The following CCSER1 variants were observed in gnomAD, a reference collection of about 807,000 sequenced individuals.
The protein encoded by CCSER1 is serine-rich coiled-coil domain-containing protein 1.
CCSER1 carries 41 observed loss-of-function variants against 82.0 expected under a neutral mutation model. The observed-to-expected ratio is 0.50, with a 90% CI of 0.39 to 0.65. The LOEUF is 0.65. Ranked by LOEUF, CCSER1 falls within the 30% of genes least tolerant of loss-of-function variation. CCSER1 has a pLI of 0.00. For missense variants in CCSER1, 1,119 were observed against 1,064.2 expected (o/e 1.05, Z -0.72); for synonymous variants, 414 against 383.9 (o/e 1.08, Z -0.92).
At chr4:90,759,435 G>C (rs182097118) in intron 7 of CCSER1, among the ~76,000 whole-genome samples, 1 of 152,306 alleles carries the variant, frequency 6.6e-6, no homozygotes, top group East Asian at 1.9e-4. Context: ...TTAAGAAGGA[G>C]ATGAAATAGT....
At chr4:91,382,042 G>C (rs1387140690) in intron 10 of CCSER1, among the ~76,000 whole-genome samples, 2 of 152,156 alleles carry the variant, frequency 1.3e-5, no homozygotes, top group Non-Finnish European at 2.9e-5. Flanking sequence ...GTTTGCCTGG[G>C]TGTCAGCAGT....
chr4:90,147,289 T>TG (rs1253756434), intron 1 of CCSER1, among the ~76,000 whole-genome samples: 1 of 152,094 alleles, frequency 6.6e-6, no homozygotes, highest in Non-Finnish European at 1.5e-5. Flanking sequence ...TCCCCATTGT[T>TG]GTTTATAAAA....
chr4:91,455,449 A>AT (rs1756108776), intron 10 of CCSER1, among the ~76,000 whole-genome samples: 1 of 152,078 alleles, frequency 6.6e-6, no homozygotes, highest in South Asian at 2.1e-4. Flanking sequence ...TATAAAAGAG[A>AT]TTGAATGGAG....
intron 3 of CCSER1, among the ~76,000 whole-genome samples, chr4:90,344,372 T>C (rs1011227319): frequency 2.0e-5 from 3 of 152,236 alleles, no homozygotes; most frequent in Non-Finnish European, 2.9e-5. Flanking sequence ...TGCTGTGTTC[T>C]GCACGTGTTC....
intron 10 of CCSER1, among the ~76,000 whole-genome samples, chr4:91,317,699 C>A (rs2149260993): frequency 6.6e-6 from 1 of 151,896 alleles, no homozygotes; most frequent in African/African-American, 2.4e-5. Flanking sequence ...TGGAAAGAAA[C>A]TTAGGAGAGA....
At chr4:91,002,918 G>C (rs184214304) in intron 9 of CCSER1, among the ~76,000 whole-genome samples, 1 of 152,298 alleles carries the variant, frequency 6.6e-6, no homozygotes, top group East Asian at 1.9e-4. Flanking sequence ...CTGCTGTTCA[G>C]ATTCTTTTGT....
At chr4:91,288,812 G>A (rs17211183) in intron 10 of CCSER1, among the ~76,000 whole-genome samples, 3,754 of 152,128 alleles carry the variant, frequency 0.025, 64 homozygotes, top group Non-Finnish European at 0.037. Context: ...AAAAATACAT[G>A]ATGGGCCTAG....
At chr4:90,403,548 T>A (rs1010830690) in intron 4 of CCSER1, among the ~76,000 whole-genome samples, 1 of 150,358 alleles carries the variant, frequency 6.7e-6, no homozygotes, top group South Asian at 2.1e-4. Flanking sequence ...TATAAGAAGC[T>A]TATGATTGAT....
At chr4:91,505,968 G>T (rs887644252) in intron 10 of CCSER1, among the ~76,000 whole-genome samples, 4 of 152,056 alleles carry the variant, frequency 2.6e-5, no homozygotes, top group Non-Finnish European at 5.9e-5. Context: ...TTTTGCTTTT[G>T]TTGCAATTGC....
chr4:90,227,946 A>G (rs1743543260), intron 1 of CCSER1, among the ~76,000 whole-genome samples: 2 of 152,198 alleles, frequency 1.3e-5, no homozygotes, highest in African/African-American at 2.4e-5. Context: ...AGGAGATTAT[A>G]TCCCGCACCT....
At chr4:91,357,993 C>T (rs547318587) in intron 10 of CCSER1, among the ~76,000 whole-genome samples, 1 of 147,660 alleles carries the variant, frequency 6.8e-6, no homozygotes, top group East Asian at 2.1e-4. Context: ...ATACATGTTA[C>T]ACTGTTAACT....
At chr4:90,192,088 C>G (rs754268454) in intron 1 of CCSER1, among the ~76,000 whole-genome samples, 1 of 151,944 alleles carries the variant, frequency 6.6e-6, no homozygotes, top group Non-Finnish European at 1.5e-5. Context: ...GGGCAATTTT[C>G]AAAGGAAAGA....
At chr4:91,392,232 A>G (rs547590333) in intron 10 of CCSER1, among the ~76,000 whole-genome samples, 32 of 152,222 alleles carry the variant, frequency 2.1e-4, no homozygotes, top group African/African-American at 7.5e-4. Flanking sequence ...AACTGAAAAT[A>G]GCAGGATATT....
At chr4:90,555,203 G>A (rs368162291) in intron 5 of CCSER1, among the ~76,000 whole-genome samples, 3 of 151,828 alleles carry the variant, frequency 2.0e-5, no homozygotes, top group Admixed American at 6.6e-5. Context: ...CATTTACATA[G>A]GAACGTTTCT....
intron 1 of CCSER1, among the ~76,000 whole-genome samples, chr4:90,175,702 T>C (rs1732533616): frequency 6.6e-6 from 1 of 152,036 alleles, no homozygotes; most frequent in African/African-American, 2.4e-5. Flanking sequence ...CCTGTATATG[T>C]AAAATCTTAT....
At chr4:91,218,141 G>C (rs986569251) in intron 10 of CCSER1, among the ~76,000 whole-genome samples, 1 of 152,380 alleles carries the variant, frequency 6.6e-6, no homozygotes, top group South Asian at 2.1e-4. Flanking sequence ...GGCCCAGCGA[G>C]AAATCGAGCA....
intron 10 of CCSER1, among the ~76,000 whole-genome samples, chr4:91,336,279 A>C (rs1747321545): frequency 6.6e-6 from 1 of 152,078 alleles, no homozygotes; most frequent in Non-Finnish European, 1.5e-5. Flanking sequence ...TTTGATTCAG[A>C]GTATATTTGA....
At chr4:90,646,454 A>T (rs1026783731) in intron 6 of CCSER1, among the ~76,000 whole-genome samples, 1 of 152,062 alleles carries the variant, frequency 6.6e-6, no homozygotes, top group African/African-American at 2.4e-5. Flanking sequence ...GACCTAAAAA[A>T]CAAACACCTT....
chr4:90,692,618 C>T (rs921765254), intron 6 of CCSER1, among the ~76,000 whole-genome samples: 11 of 151,842 alleles, frequency 7.2e-5, no homozygotes, highest in East Asian at 3.9e-4. Flanking sequence ...TTAATTTTGA[C>T]GTATGAATTC....
Sources: gnomAD v4.1 joint callset for allele counts (sites outside exome capture counted in the v4.1 genomes callset) on GRCh38, gnomAD v4.1.1 for gene constraint, MANE v1.5 for transcripts, NCBI Gene and HGNC (gene_info 2026-07-23, HGNC 2026-07-21) for gene names.